SLC12A6: variants seen among roughly 807,000 people sequenced by gnomAD.
SLC12A6 encodes the protein solute carrier family 12 member 6, also known as K-Cl cotransporter 3.
Under a neutral mutation model 135.3 loss-of-function variants are expected in SLC12A6, and 66 were observed. The ratio of observed to expected loss-of-function variants is 0.49; its 90% CI spans 0.40 to 0.60. SLC12A6 has a LOEUF of 0.60. Ranked by LOEUF, SLC12A6 falls within the 20% of genes least tolerant of loss-of-function variation. SLC12A6 has a pLI of 0.00. For synonymous variants in SLC12A6, 513 were observed against 508.8 expected, an observed-to-expected ratio of 1.01 and a Z score of -0.11; for missense variants, 1,058 against 1,452.3, an observed-to-expected ratio of 0.73 and a Z score of 4.41.
chr15:34,235,448 T>C, intron 24 of SLC12A6, 134 bp from the exon 25 acceptor site: 2 of 773,164 alleles, frequency 2.6e-6, no homozygotes, highest in Admixed American at 5.0e-5. Context: ...TTTTTTTTTT[T>C]TTTGAGAGGG....
intron 2 of SLC12A6, among the ~76,000 whole-genome samples, chr15:34,312,154 CAA>C (rs1223399840): frequency 6.6e-6 from 1 of 152,040 alleles, no homozygotes. Context: ...AACAGCTTGG[CAA>C]AAGTCACTCA....
chr15:34,300,854 G>A (rs1896204378), intron 2 of SLC12A6, among the ~76,000 whole-genome samples: 1 of 151,764 alleles, frequency 6.6e-6, no homozygotes, highest in Non-Finnish European at 1.5e-5. Context: ...AGGGGCAGGG[G>A]TCCTATCTGC....
At chr15:34,310,425 G>GTA (rs1888104725) in intron 2 of SLC12A6, among the ~76,000 whole-genome samples, 1 of 131,604 alleles carries the variant, frequency 7.6e-6, no homozygotes, top group Non-Finnish European at 1.6e-5. Context: ...GTGTGTGTGT[G>GTA]TGTGTGTGTG....
chr15:34,287,410 T>C (rs1033896477), intron 2 of SLC12A6, among the ~76,000 whole-genome samples: 2 of 152,254 alleles, frequency 1.3e-5, no homozygotes, highest in South Asian at 2.1e-4. Flanking sequence ...GTTCCAAGTC[T>C]TTCCTATTGT....
intron 9 of SLC12A6, 124 bp downstream of exon 9, chr15:34,254,224 G>C: frequency 1.0e-6 from 1 of 991,564 alleles, no homozygotes; most frequent in East Asian, 2.4e-5. Flanking sequence ...AAGTCTAACT[G>C]GGCTTATCTG....
chr15:34,235,199 G>A lies in SLC12A6; in HGVS notation c.3343C>T (p.Pro1115Ser), dbSNP rs1420117287. 1.2e-6 allele frequency: 2 copies of A among 1,614,004 alleles called. No individual in the cohort carries two copies. The highest frequency in any genetic ancestry group is 1.7e-6 in the Non-Finnish European group (2 of 1,179,876). ...LLNMPGPPRN[P>S]EGDENYMEFL... ...AGGATACAGTTTTCATCACCCTCAG[G>A]GTTTCGGGGTGGCCCTGGCATATTC... The change falls in exon 25 of 26, where the codon CCT becomes TCT. Residue 1115 changes from proline (P) to serine (S), a missense_variant. This residue lies in a region of SLC12A6 where 245 missense variants were observed against 440.8 expected (regional missense o/e 0.56). Transcript: ENST00000354181.
chr15:34,325,350 T>C (rs1889390712), intron 2 of SLC12A6, among the ~76,000 whole-genome samples: 1 of 152,196 alleles, frequency 6.6e-6, no homozygotes, highest in Non-Finnish European at 1.5e-5. Flanking sequence ...TTACTATGTA[T>C]AAAATTATTA....
chr15:34,298,592 T>C (rs1216125375), intron 2 of SLC12A6, among the ~76,000 whole-genome samples: 1 of 151,342 alleles, frequency 6.6e-6, no homozygotes, highest in African/African-American at 2.4e-5. Flanking sequence ...AGTAGAAAAA[T>C]GGGTGGGGGG....
chr15:34,254,316 A>C (rs1892596407), intron 9 of SLC12A6, 32 bp downstream of exon 9: 1 of 1,597,174 alleles, frequency 6.3e-7, no homozygotes, highest in African/African-American at 1.3e-5. Flanking sequence ...ACTACCCAAT[A>C]AGGATGGCTA....
chr15:34,230,059 A>C lies in SLC12A6; in HGVS notation c.*3822T>G, dbSNP rs371851468. 2.3e-6 allele frequency: 1 copy of C among 438,182 alleles called. No individual in the cohort carries two copies. The highest frequency in any genetic ancestry group is 4.0e-6 in the Non-Finnish European group (1 of 248,210). The allele number at this position is 438,182 out of a possible 1,614,324, so 27.1% of individuals were successfully genotyped here. On this transcript the variant is annotated 3_prime_UTR_variant, in exon 26 of 26. Transcript: ENST00000354181. ...CAGAGCAAAACAACAACAAAAAAAC[A>C]TAACTATGTAAACAAGAGAATAACT...
chr15:34,266,030 T>A (rs1425893363), intron 3 of SLC12A6, among the ~76,000 whole-genome samples: 4 of 138,232 alleles, frequency 2.9e-5, no homozygotes, highest in African/African-American at 8.2e-5. Context: ...TTTTTTTTTT[T>A]AAGAAGAGAT....
At position 34,242,296 on chromosome 15, in the gene SLC12A6, C is replaced by CT. The variant is rs1891696592; in HGVS notation, c.2043-76dup. On this transcript the variant is annotated intron_variant, in intron 16 of 25. Coordinates refer to ENST00000354181, the MANE Select transcript of SLC12A6 (RefSeq NM_001365088.1). ...GCCTATGTTAAAGGTGCTTCTCAAA[C>CT]TATCTGTGGTGAGGTATTATTTTTT... is the stretch of plus-strand genomic sequence containing the variant. 5 of 1,061,580 alleles carry CT rather than the reference C, an allele frequency of 4.7e-6. No homozygotes were observed. In the Middle Eastern group the frequency reaches 1.0e-3, roughly 215 times the overall value. 65.8% of individuals were successfully genotyped at this position (1,061,580 alleles called of 1,614,324 possible). A position where few individuals can be genotyped will look rare whatever the true frequency, so the allele number is the denominator to read the frequency against.
At chr15:34,323,004 G>C (rs1188285690) in intron 2 of SLC12A6, among the ~76,000 whole-genome samples, 1 of 116,894 alleles carries the variant, frequency 8.6e-6, no homozygotes, top group African/African-American at 3.6e-5. Flanking sequence ...AAAAAAAAAA[G>C]GAAAGAAAGA....
chr15:34,323,170 C>T (rs1383750438), intron 2 of SLC12A6, among the ~76,000 whole-genome samples: 4 of 151,962 alleles, frequency 2.6e-5, no homozygotes, highest in East Asian at 1.9e-4. Context: ...AAATTCCCTA[C>T]GCCTCAATAA....
chr15:34,297,612 T>C (rs142440953), intron 2 of SLC12A6, among the ~76,000 whole-genome samples: 1 of 152,242 alleles, frequency 6.6e-6, no homozygotes, highest in East Asian at 1.9e-4. Flanking sequence ...GGAAGCAGTG[T>C]GAGGGTCCAC....
At chr15:34,293,421 C>T (rs1895674725) in intron 2 of SLC12A6, among the ~76,000 whole-genome samples, 1 of 152,154 alleles carries the variant, frequency 6.6e-6, no homozygotes, top group African/African-American at 2.4e-5. Context: ...TCTCCTGCCT[C>T]ACCTCCCGAG....
intron 13 of SLC12A6, among the ~76,000 whole-genome samples, chr15:34,247,944 A>G (rs565410159): frequency 1.1e-4 from 16 of 152,268 alleles, no homozygotes; most frequent in South Asian, 2.1e-4. Context: ...ACCTCAAACA[A>G]TCTTCTAGCC....
intron 14 of SLC12A6, 142 bp downstream of exon 14, chr15:34,245,551 C>A (rs552067087): frequency 1.6e-4 from 144 of 905,516 alleles, no homozygotes; most frequent in Admixed American, 2.6e-4. Flanking sequence ...CAGGTAAACT[C>A]ATGCTTGGGA....
intron 2 of SLC12A6, among the ~76,000 whole-genome samples, chr15:34,294,488 C>A (rs116417207): frequency 1.3e-5 from 2 of 152,144 alleles, no homozygotes; most frequent in South Asian, 4.1e-4. Context: ...AACTCTTGAC[C>A]GCGTGATTCA....
Sources: allele counts gnomAD v4.1 joint callset (sites outside exome capture counted in the v4.1 genomes callset), GRCh38; gene constraint gnomAD v4.1.1; regional missense constraint gnomAD v4.1.1; transcripts MANE v1.5; gene names NCBI Gene and HGNC (gene_info 2026-07-23, HGNC 2026-07-21).